PARD3B: variants seen among roughly 807,000 people sequenced by gnomAD.
The protein encoded by PARD3B is partitioning defective 3 homolog B.
Under a neutral mutation model 130.2 loss-of-function variants are expected in PARD3B, and 103 were observed. The ratio of observed to expected loss-of-function variants is 0.79; its 90% CI spans 0.67 to 0.93. The LOEUF (loss-of-function observed/expected upper bound fraction) is 0.93, where lower values mean the gene tolerates loss of function less well. Ranked by LOEUF, PARD3B falls within the 40% of genes least tolerant of loss-of-function variation. The pLI, the probability that PARD3B is intolerant of heterozygous loss-of-function variation, is 0.00. For missense variants in PARD3B, 1,609 were observed against 1,499.2 expected (o/e 1.07, Z -1.21); for synonymous variants, 583 against 553.2 (o/e 1.05, Z -0.76).
At chr2:205,042,046 C>G (rs1394332966) in intron 3 of PARD3B, among the ~76,000 whole-genome samples, 4 of 152,096 alleles carry the variant, frequency 2.6e-5, no homozygotes, top group Non-Finnish European at 5.9e-5. Context: ...AGAGGTAGCA[C>G]CTTACATTTT....
At chr2:204,808,441 A>G (rs1161734349) in intron 2 of PARD3B, among the ~76,000 whole-genome samples, 2 of 152,136 alleles carry the variant, frequency 1.3e-5, no homozygotes, top group African/African-American at 4.8e-5. Context: ...TCACCTGTGT[A>G]CTAAACCTAG....
intron 19 of PARD3B, among the ~76,000 whole-genome samples, chr2:205,436,662 C>T (rs1368953633): frequency 2.0e-5 from 3 of 151,902 alleles, no homozygotes; most frequent in Non-Finnish European, 4.4e-5. Context: ...CCAGCAGCTT[C>T]AATTCTACAT....
chr2:205,182,609 AATAC>A (rs1168723867), intron 13 of PARD3B, among the ~76,000 whole-genome samples: 34 of 152,234 alleles, frequency 2.2e-4, no homozygotes, highest in African/African-American at 4.3e-4. Flanking sequence ...TAGAACAATA[AATAC>A]ATACATAGTT....
intron 1 of PARD3B, among the ~76,000 whole-genome samples, chr2:204,646,529 TTGA>T (rs1333538914): frequency 2.0e-5 from 3 of 152,078 alleles, no homozygotes; most frequent in Non-Finnish European, 2.9e-5. Context: ...ATCCACTCTC[TTGA>T]TGACCATTTG....
At chr2:205,597,141 T>G (rs1018685544) in intron 22 of PARD3B, among the ~76,000 whole-genome samples, 2 of 152,168 alleles carry the variant, frequency 1.3e-5, no homozygotes, top group Admixed American at 6.5e-5. Context: ...TGAATGTGTC[T>G]TCCAAATAGC....
chr2:205,348,858 G>A (rs2043889848), intron 18 of PARD3B, among the ~76,000 whole-genome samples: 1 of 139,630 alleles, frequency 7.2e-6, no homozygotes, highest in Non-Finnish European at 1.5e-5. Context: ...ACAAAATAGT[G>A]GAAAGTAAAG....
chr2:204,630,009 C>T (rs2034622823), intron 1 of PARD3B, among the ~76,000 whole-genome samples: 1 of 152,116 alleles, frequency 6.6e-6, no homozygotes, highest in African/African-American at 2.4e-5. Context: ...AGTATATGTG[C>T]TCCTATACTC....
intron 21 of PARD3B, among the ~76,000 whole-genome samples, chr2:205,528,163 C>G (rs1445388841): frequency 6.6e-6 from 1 of 152,132 alleles, no homozygotes; most frequent in Non-Finnish European, 1.5e-5. Context: ...GTCACAGTAG[C>G]CTCTCATGAA....
chr2:204,622,961 T>C (rs2034357227), intron 1 of PARD3B, among the ~76,000 whole-genome samples: 1 of 151,916 alleles, frequency 6.6e-6, no homozygotes. Flanking sequence ...TAAGTATGTT[T>C]GATACGTTCC....
At chr2:205,181,551 C>G (rs1025394221) in intron 13 of PARD3B, among the ~76,000 whole-genome samples, 1 of 152,228 alleles carries the variant, frequency 6.6e-6, no homozygotes, top group African/African-American at 2.4e-5. Context: ...CAGAAGCACT[C>G]ATGGACAATA....
At chr2:205,054,763 A>G (rs1559393820) in intron 4 of PARD3B, among the ~76,000 whole-genome samples, 1 of 152,032 alleles carries the variant, frequency 6.6e-6, no homozygotes, top group Non-Finnish European at 1.5e-5. Context: ...AGCCTAAGAC[A>G]TGGTTCCTGT....
chr2:204,659,308 A>G (rs1009610730), intron 1 of PARD3B, among the ~76,000 whole-genome samples: 13 of 152,202 alleles, frequency 8.5e-5, no homozygotes, highest in African/African-American at 3.1e-4. Flanking sequence ...TTCTTTCTGT[A>G]TTCTGAACCT....
At chr2:205,557,127 G>A (rs2106509362) in intron 22 of PARD3B, among the ~76,000 whole-genome samples, 1 of 152,290 alleles carries the variant, frequency 6.6e-6, no homozygotes, top group African/African-American at 2.4e-5. Flanking sequence ...GAGTCCTAGG[G>A]AGTGAGCAAA....
chr2:205,579,371 C>G (rs1461624089), intron 22 of PARD3B, among the ~76,000 whole-genome samples: 1 of 152,138 alleles, frequency 6.6e-6, no homozygotes, highest in Non-Finnish European at 1.5e-5. Flanking sequence ...CCCTGTGACC[C>G]AGAGGTACCT....
intron 2 of PARD3B, among the ~76,000 whole-genome samples, chr2:204,864,896 A>C (rs180752954): frequency 6.6e-6 from 1 of 152,322 alleles, no homozygotes; most frequent in East Asian, 1.9e-4. Context: ...ACCACAAGAC[A>C]TCATCCCTGG....
chr2:204,875,394 G>T (rs1432150581), intron 2 of PARD3B, among the ~76,000 whole-genome samples: 2 of 152,184 alleles, frequency 1.3e-5, no homozygotes, highest in African/African-American at 4.8e-5. Flanking sequence ...CAATTCCTTT[G>T]TGGAGCATCT....
intron 4 of PARD3B, among the ~76,000 whole-genome samples, chr2:205,074,724 G>C (rs1700938723): frequency 6.6e-6 from 1 of 152,062 alleles, no homozygotes; most frequent in South Asian, 2.1e-4. Flanking sequence ...CTTTTCTTTA[G>C]TCTGTAAATG....
chr2:205,144,473 C>A (rs953391301), intron 10 of PARD3B, among the ~76,000 whole-genome samples: 2 of 152,116 alleles, frequency 1.3e-5, no homozygotes, highest in African/African-American at 4.8e-5. Context: ...TTCCCCTCTC[C>A]CTTCAATTTG....
intron 15 of PARD3B, among the ~76,000 whole-genome samples, chr2:205,222,358 C>A (rs949192867): frequency 6.6e-6 from 1 of 152,078 alleles, no homozygotes; most frequent in Non-Finnish European, 1.5e-5. Context: ...CCTTCAGATC[C>A]CTGCTGTTCC....
Sources: gnomAD v4.1 joint callset for allele counts (sites outside exome capture counted in the v4.1 genomes callset) on GRCh38, gnomAD v4.1.1 for gene constraint, MANE v1.5 for transcripts, NCBI Gene and HGNC (gene_info 2026-07-23, HGNC 2026-07-21) for gene names.